HHAT: variants seen among roughly 807,000 people sequenced by gnomAD.
HHAT encodes the protein protein-cysteine N-palmitoyltransferase HHAT.
HHAT carries 47 observed loss-of-function variants against 70.8 expected under a neutral mutation model. The ratio of observed to expected loss-of-function variants is 0.66; its 90% confidence interval spans 0.53 to 0.85. The LOEUF (loss-of-function observed/expected upper bound fraction) is 0.85. HHAT is among the 40% of genes least tolerant of loss of function. The pLI, the probability that HHAT is intolerant of heterozygous loss-of-function variation, is 0.00. For synonymous variants in HHAT, 228 were observed against 247.6 expected, an observed-to-expected ratio of 0.92 and a Z score of 0.74; for missense variants, 609 against 604.8, an observed-to-expected ratio of 1.01 and a Z score of -0.07.
intron 7 of HHAT, among the ~76,000 whole-genome samples, chr1:210,447,008 T>A (rs2093648484): frequency 6.6e-6 from 1 of 152,302 alleles, no homozygotes; most frequent in East Asian, 1.9e-4. Flanking sequence ...TAAATATTTG[T>A]TGAATATATG....
chr1:210,637,871 A>AAG (rs1553312396), intron 11 of HHAT, among the ~76,000 whole-genome samples: 3,832 of 117,428 alleles, frequency 0.033, 153 homozygotes, highest in East Asian at 0.077. Context: ...AAAAAAAAAA[A>AAG]GGGGGGGGCA....
intron 9 of HHAT, among the ~76,000 whole-genome samples, chr1:210,530,289 G>C (rs2095300874): frequency 6.6e-6 from 1 of 151,958 alleles, no homozygotes. Flanking sequence ...TGAATTCCTA[G>C]GAAATACATA....
At chr1:210,395,351 T>C (rs186429955) in intron 4 of HHAT, among the ~76,000 whole-genome samples, 15 of 152,336 alleles carry the variant, frequency 9.8e-5, no homozygotes, top group African/African-American at 3.4e-4. Flanking sequence ...TGGCAGTTTT[T>C]CCTGACTCCT....
intron 2 of HHAT, among the ~76,000 whole-genome samples, chr1:210,356,168 A>C (rs2087598117): frequency 6.6e-6 from 1 of 151,952 alleles, no homozygotes; most frequent in African/African-American, 2.4e-5. Flanking sequence ...CTCAAGCCAA[A>C]TCCCAAAGTC....
intron 5 of HHAT, among the ~76,000 whole-genome samples, chr1:210,401,578 AGAG>A (rs200508423): frequency 1.3e-5 from 2 of 152,338 alleles, no homozygotes; most frequent in East Asian, 3.9e-4. Flanking sequence ...TGGTGCTAAT[AGAG>A]GAGGACACTG....
chr1:210,613,040 G>A (rs1369549135), intron 10 of HHAT, among the ~76,000 whole-genome samples: 1 of 152,126 alleles, frequency 6.6e-6, no homozygotes, highest in Non-Finnish European at 1.5e-5. Context: ...TGTGATTGCA[G>A]ATCTTTTCTC....
intron 8 of HHAT, among the ~76,000 whole-genome samples, chr1:210,503,755 C>G (rs967763563): frequency 2.6e-5 from 4 of 151,968 alleles, no homozygotes; most frequent in African/African-American, 9.7e-5. Context: ...CTCAATGAAG[C>G]TACTCCTCAA....
chr1:210,612,334 G>A (rs1035134099), intron 10 of HHAT, among the ~76,000 whole-genome samples: 1 of 151,978 alleles, frequency 6.6e-6, no homozygotes, highest in Non-Finnish European at 1.5e-5. Flanking sequence ...GTCCCTAGTA[G>A]CCACTATTCT....
intron 3 of HHAT, among the ~76,000 whole-genome samples, chr1:210,373,931 T>TTG (rs1231343264): frequency 6.6e-6 from 1 of 152,178 alleles, no homozygotes; most frequent in Non-Finnish European, 1.5e-5. Context: ...CCAGTCTGTG[T>TTG]CTCCAATGTT....
chr1:210,548,425 T>A (rs932991874), intron 9 of HHAT, among the ~76,000 whole-genome samples: 1 of 152,048 alleles, frequency 6.6e-6, no homozygotes, highest in Non-Finnish European at 1.5e-5. Context: ...TGTTTGTAAG[T>A]TGTTTGAATG....
chr1:210,492,920 T>C lies in HHAT; in HGVS notation c.1008-20233T>C, dbSNP rs1268284796. Among the ~76,000 whole-genome samples the C allele has an allele frequency of 2.6e-5, 4 of 152,114 alleles. No individual in the cohort carries two copies. The East Asian group carries it at 7.7e-4, about 29-fold the overall frequency. ...CAGATGCCAAATGTCTTATCAGCCT[T>C]TCGGGATCTCATTTCTTAGAGGGCT... On this transcript the variant is annotated intron_variant, in intron 8 of 11. Transcript: ENST00000261458.
At chr1:210,480,965 G>A (rs1207991440) in intron 8 of HHAT, among the ~76,000 whole-genome samples, 1 of 152,168 alleles carries the variant, frequency 6.6e-6, no homozygotes, top group Non-Finnish European at 1.5e-5. Context: ...ACTGTGCTTT[G>A]TGCTGGGGAT....
At chr1:210,519,527 CTTTTT>C (rs35244381) in intron 9 of HHAT, among the ~76,000 whole-genome samples, 1 of 127,470 alleles carries the variant, frequency 7.8e-6, no homozygotes, top group Admixed American at 8.3e-5. Flanking sequence ...ATTTTCTTTG[CTTTTT>C]TTTTTTTTTT....
Position 210,623,647 on chromosome 1 carries a change from A to G in HHAT, c.1367A>G (p.Tyr456Cys). The change falls in exon 11 of 12, where the codon TAC (tyrosine) becomes TGC (cysteine). Residue 456 changes from tyrosine (Y) to cysteine (C), a missense_variant. Physicochemically the swap from Tyr to Cys is radical, Grantham distance 194. Coordinates refer to ENST00000261458, the MANE Select transcript of HHAT (RefSeq NM_018194.6). ...FLGGNEVGKT[Y>C]WNRIFIQGWP... ...GGGGGCAATGAGGTTGGGAAAACCTACTGGAATAGGATCTTCATACAAGGT... is the reference window on the plus strand; with the variant it reads ...GGGGGCAATGAGGTTGGGAAAACCTGCTGGAATAGGATCTTCATACAAGGT... 1.2e-6 allele frequency: 2 copies of G among 1,613,936 alleles called. No individual in the cohort carries two copies. The highest frequency in any genetic ancestry group is 1.7e-6 in the Non-Finnish European group (2 of 1,179,962).
At chr1:210,403,587 C>T (rs769156756) in intron 5 of HHAT, among the ~76,000 whole-genome samples, 1 of 152,186 alleles carries the variant, frequency 6.6e-6, no homozygotes, top group Non-Finnish European at 1.5e-5. Flanking sequence ...GAAGTAGAAA[C>T]TCTGTTCAGT....
chr1:210,365,934 T>A (rs80180611), intron 3 of HHAT, among the ~76,000 whole-genome samples: 290 of 30,424 alleles, frequency 9.5e-3, no homozygotes, highest in African/African-American at 0.066. Context: ...TTAAAAAAAA[T>A]TTTTTTTTTT....
intron 7 of HHAT, among the ~76,000 whole-genome samples, chr1:210,455,173 C>T (rs1292198767): frequency 6.6e-6 from 1 of 152,184 alleles, no homozygotes; most frequent in East Asian, 1.9e-4. Context: ...ATTGATGGTC[C>T]TTGGCACACT....
intron 9 of HHAT, among the ~76,000 whole-genome samples, chr1:210,579,193 C>T (rs1453899929): frequency 2.0e-5 from 3 of 152,094 alleles, no homozygotes; most frequent in Non-Finnish European, 2.9e-5. Flanking sequence ...GGATACTAGG[C>T]TTAATACATA....
chr1:210,366,598 G>C (rs989875617), intron 3 of HHAT, among the ~76,000 whole-genome samples: 1 of 152,188 alleles, frequency 6.6e-6, no homozygotes, highest in Non-Finnish European at 1.5e-5. Context: ...ACTCCAGCCT[G>C]GGTGTCAGAG....
Sources: allele counts gnomAD v4.1 joint callset (sites outside exome capture counted in the v4.1 genomes callset), GRCh38; gene constraint gnomAD v4.1.1; transcripts MANE v1.5; gene names NCBI Gene and HGNC (gene_info 2026-07-23, HGNC 2026-07-21).